The following MALT1 variants were observed in gnomAD, a reference collection of about 807,000 sequenced individuals.
The protein encoded by MALT1 is MALT1 paracaspase, also known as mucosa-associated lymphoid tissue lymphoma translocation protein 1.
Under a neutral mutation model 85.5 loss-of-function variants are expected in MALT1, and 36 were observed. The observed-to-expected ratio is 0.42, with a 90% confidence interval of 0.32 to 0.56. The LOEUF is 0.56. Among genes scored for constraint, MALT1 ranks in the 20% least tolerant of loss-of-function variants. The pLI is 0.10. For synonymous variants in MALT1, 359 were observed against 361.3 expected, an observed-to-expected ratio of 0.99 and a Z score of 0.07; for missense variants, 716 against 981.6, an observed-to-expected ratio of 0.73 and a Z score of 3.62.
At position 58,748,526 on chromosome 18, in the gene MALT1, T is replaced by C. The variant is rs1234285563; in HGVS notation, c.*684T>C. ...CTGTTATAGAACAGGCTGAAATTTC[T>C]TGTTCATAAGATTATGAAACCACAT... On this transcript the variant is annotated 3_prime_UTR_variant, in exon 17 of 17. Transcript: ENST00000649217. 2 of 187,138 alleles carry C rather than the reference T, an allele frequency of 1.1e-5. No individual in the cohort carries two copies. Among genetic ancestry groups the C allele is most frequent in the Non-Finnish European group, 2.3e-5 (2 of 88,414 alleles). 11.6% of individuals were successfully genotyped at this position (187,138 alleles called of 1,614,324 possible). A position where few individuals can be genotyped will look rare whatever the true frequency, so the allele number is the denominator to read the frequency against.
chr18:58,678,535 G>A (rs556798458), intron 1 of MALT1, among the ~76,000 whole-genome samples: 75 of 152,084 alleles, frequency 4.9e-4, no homozygotes, highest in African/African-American at 6.0e-4. Context: ...TAATCTAGTT[G>A]GATAAGGCAG....
At chr18:58,686,346 A>C (rs921776839) in intron 2 of MALT1, among the ~76,000 whole-genome samples, 1 of 152,184 alleles carries the variant, frequency 6.6e-6, no homozygotes, top group Non-Finnish European at 1.5e-5. Flanking sequence ...CTTTTGTTTT[A>C]AGTGAAAACA....
chr18:58,710,650 G>C (rs1219063184), intron 6 of MALT1, among the ~76,000 whole-genome samples: 1 of 152,022 alleles, frequency 6.6e-6, no homozygotes, highest in Non-Finnish European at 1.5e-5. Flanking sequence ...AAAAGAAAAA[G>C]ATTTTTAATA....
chr18:58,687,577 A>G (rs2054423975), intron 2 of MALT1, among the ~76,000 whole-genome samples: 1 of 152,192 alleles, frequency 6.6e-6, no homozygotes, highest in African/African-American at 2.4e-5. Context: ...ATTGCAGAGT[A>G]ACTTTGAGGA....
chr18:58,748,137 G>A lies in MALT1; in HGVS notation c.*295G>A, dbSNP rs1013257000. 8.6e-6 allele frequency: 3 copies of A among 348,910 alleles called. No homozygotes were observed. Among genetic ancestry groups the A allele is most frequent in the African/African-American group, 6.4e-5 (3 of 46,998 alleles). The allele number at this position is 348,910 out of a possible 1,614,324, so 21.6% of individuals were successfully genotyped here. A position where few individuals can be genotyped will look rare whatever the true frequency, so the allele number is the denominator to read the frequency against. ...TTTCATTGTGACCACTCTGAAGTAA[G>A]AGCAATGGGAATGGCATTATTGTAG... On this transcript the variant is annotated 3_prime_UTR_variant, in exon 17 of 17. Transcript: ENST00000649217.
chr18:58,726,554 G>A (rs1241068720), intron 10 of MALT1, among the ~76,000 whole-genome samples: 1 of 152,136 alleles, frequency 6.6e-6, no homozygotes, highest in African/African-American at 2.4e-5. Context: ...TATATTGCAC[G>A]CAGGTTTGTA....
chr18:58,727,395 C>G (rs1247910479), intron 10 of MALT1, among the ~76,000 whole-genome samples: 2 of 152,184 alleles, frequency 1.3e-5, no homozygotes, highest in African/African-American at 4.8e-5. Flanking sequence ...CCTCTGCCTC[C>G]TGGGTTCAAG....
At position 58,748,171 on chromosome 18, in the gene MALT1, A is replaced by G. The variant is rs538090118; in HGVS notation, c.*329A>G. 25 of 280,956 alleles carry G rather than the reference A, an allele frequency of 8.9e-5. No individual in the cohort carries two copies. In the South Asian group the frequency reaches 1.4e-3, roughly 16 times the overall value. 17.4% of individuals were successfully genotyped at this position (280,956 alleles called of 1,614,324 possible). A position where few individuals can be genotyped will look rare whatever the true frequency, so the allele number is the denominator to read the frequency against. ...GAATGGCATTATTGTAGAATAAGTC[A>G]TTGTATTTTTAACACCAGAAAGAAC... On this transcript the variant is annotated 3_prime_UTR_variant, in exon 17 of 17. Coordinates refer to ENST00000649217, the MANE Select transcript of MALT1 (RefSeq NM_006785.4).
intron 13 of MALT1, among the ~76,000 whole-genome samples, chr18:58,740,773 G>A (rs1027492274): frequency 6.6e-6 from 1 of 152,024 alleles, no homozygotes; most frequent in Admixed American, 6.6e-5. Flanking sequence ...ATGCCCATTA[G>A]GTTTGGCGTA....
chr18:58,673,837 T>G (rs2054202220), intron 1 of MALT1, among the ~76,000 whole-genome samples: 1 of 151,846 alleles, frequency 6.6e-6, no homozygotes, highest in Admixed American at 6.6e-5. Flanking sequence ...TTATTGCTTG[T>G]GCAAAGGAGT....
Position 58,748,119 on chromosome 18 carries a change from G to T in MALT1, c.*277G>T. ...ATGTATATAACAAAATATTTTCATT[G>T]TGACCACTCTGAAGTAAGAGCAATG... is the stretch of plus-strand genomic sequence containing the variant. On this transcript the variant is annotated 3_prime_UTR_variant, in exon 17 of 17. Coordinates refer to ENST00000649217, the MANE Select transcript of MALT1 (RefSeq NM_006785.4). 1 of 377,892 alleles carries T rather than the reference G, an allele frequency of 2.6e-6. No individual in the cohort carries two copies. Among genetic ancestry groups the T allele is most frequent in the Non-Finnish European group, 4.8e-6 (1 of 206,924 alleles). The allele number at this position is 377,892 out of a possible 1,614,324, so 23.4% of individuals were successfully genotyped here.
At chr18:58,674,410 G>A (rs1243504066) in intron 1 of MALT1, among the ~76,000 whole-genome samples, 1 of 152,142 alleles carries the variant, frequency 6.6e-6, no homozygotes, top group Non-Finnish European at 1.5e-5. Context: ...TGAGAATTTG[G>A]GGTGGGAAGT....
intron 9 of MALT1, among the ~76,000 whole-genome samples, chr18:58,722,120 T>TCA (rs140149024): frequency 1.3e-5 from 2 of 150,624 alleles, no homozygotes; most frequent in Non-Finnish European, 3.0e-5. Context: ...TTTTTTTTTT[T>TCA]ATTTTTTTCT....
chr18:58,731,862 C>CCTG (rs1490838809), intron 10 of MALT1, among the ~76,000 whole-genome samples: 1 of 152,106 alleles, frequency 6.6e-6, no homozygotes, highest in African/African-American at 2.4e-5. Flanking sequence ...TTTTGTTTCT[C>CCTG]TCAGTGCCTA....
At chr18:58,682,996 A>G (rs1198887021) in intron 2 of MALT1, among the ~76,000 whole-genome samples, 1 of 152,188 alleles carries the variant, frequency 6.6e-6, no homozygotes, top group Non-Finnish European at 1.5e-5. Context: ...CCCAAATGCA[A>G]CTGTTGTTTG....
intron 10 of MALT1, among the ~76,000 whole-genome samples, chr18:58,732,017 G>A (rs1470726564): frequency 3.3e-5 from 5 of 152,120 alleles, no homozygotes; most frequent in African/African-American, 7.2e-5. Flanking sequence ...CAGACGACCT[G>A]GATTTTGTCC....
rs2054159253 is a variant in MALT1, at chr18:58,671,562, G to A, written c.-82G>A. On this transcript the variant is annotated 5_prime_UTR_variant, in exon 1 of 17. Transcript: ENST00000649217. ...TCCGCCCCTGCCTCCGCGGCTCGGA[G>A]GCGAGCGGAAGGTGCCCCGGGGCCG... 4 of 949,986 alleles carry A rather than the reference G, an allele frequency of 4.2e-6. No homozygotes were observed. Among genetic ancestry groups the A allele is most frequent in the South Asian group, 5.5e-5 (1 of 18,216 alleles). The allele number at this position is 949,986 out of a possible 1,614,324, so 58.8% of individuals were successfully genotyped here. A position where few individuals can be genotyped will look rare whatever the true frequency, so the allele number is the denominator to read the frequency against.
At chr18:58,678,148 C>G (rs981773195) in intron 1 of MALT1, among the ~76,000 whole-genome samples, 1 of 152,072 alleles carries the variant, frequency 6.6e-6, no homozygotes, top group Non-Finnish European at 1.5e-5. Context: ...TTAATTTGAT[C>G]GTATACATTT....
chr18:58,701,600 C>T (rs543201026), intron 4 of MALT1, among the ~76,000 whole-genome samples: 54 of 152,284 alleles, frequency 3.5e-4, no homozygotes, highest in African/African-American at 1.2e-3. Flanking sequence ...CATTGACCAC[C>T]CTCATGAGGC....
Sources: gnomAD v4.1 joint callset for allele counts (sites outside exome capture counted in the v4.1 genomes callset) on GRCh38, gnomAD v4.1.1 for gene constraint, MANE v1.5 for transcripts, NCBI Gene and HGNC (gene_info 2026-07-23, HGNC 2026-07-21) for gene names.